The following CRB1 variants were observed in gnomAD, a reference collection of about 807,000 sequenced individuals.
CRB1 encodes the protein crumbs cell polarity complex component 1, also known as protein crumbs homolog 1.
A neutral mutation model predicts 120.0 loss-of-function variants in CRB1; 83 were observed. The ratio of observed to expected loss-of-function variants is 0.69; its 90% CI spans 0.58 to 0.83. CRB1 has a LOEUF of 0.83. Among genes scored for constraint, CRB1 ranks in the 40% least tolerant of loss-of-function variants. The pLI is 0.00. For synonymous variants in CRB1, 625 were observed against 612.5 expected (o/e 1.02, Z -0.30); for missense variants, 1,699 against 1,687.6 (o/e 1.01, Z -0.12).
intron 1 of CRB1, among the ~76,000 whole-genome samples, chr1:197,311,875 G>A (rs1657549916): frequency 6.6e-6 from 1 of 152,004 alleles, no homozygotes. Flanking sequence ...ATTTGTAGGA[G>A]CTCTTTATCT....
At position 197,442,296 on chromosome 1, in the gene CRB1, A is replaced by G. The variant is rs777152255; in HGVS notation, c.4005+4A>G. 6.2e-7 allele frequency: 1 copy of G among 1,614,124 alleles called. No individual in the cohort carries two copies. Among genetic ancestry groups the G allele is most frequent in the Non-Finnish European group, 8.5e-7 (1 of 1,180,018 alleles). ...TGGCGAGCGCTGCGAGGTGGACGTA[A>G]GCAGCCTCTCCTTTTATGTCTCTCT... On this transcript the variant is annotated splice_donor_region_variant and intron_variant, in intron 11 of 11. Transcript: ENST00000367400.
intron 8 of CRB1, among the ~76,000 whole-genome samples, chr1:197,431,898 T>C (rs1664886643): frequency 6.6e-6 from 1 of 152,190 alleles, no homozygotes; most frequent in Non-Finnish European, 1.5e-5. Flanking sequence ...ACTCTCATAA[T>C]TTTAATTTTA....
intron 1 of CRB1, among the ~76,000 whole-genome samples, chr1:197,324,302 A>T (rs1262794325): frequency 1.3e-5 from 2 of 152,134 alleles, no homozygotes; most frequent in East Asian, 3.9e-4. Flanking sequence ...ATTTTCTTGA[A>T]CTTATTCATT....
chr1:197,361,275 G>A (rs1660755799), intron 5 of CRB1, among the ~76,000 whole-genome samples: 1 of 150,996 alleles, frequency 6.6e-6, no homozygotes, highest in Non-Finnish European at 1.5e-5. Context: ...GTTGGAAAAT[G>A]TTTCTTAATT....
At chr1:197,468,094 A>C (rs554099306) in intron 11 of CRB1, among the ~76,000 whole-genome samples, 3 of 152,282 alleles carry the variant, frequency 2.0e-5, no homozygotes, top group African/African-American at 7.2e-5. Flanking sequence ...CCAGAACCAC[A>C]GGCATGCTTT....
At chr1:197,383,031 A>G (rs1662036874) in intron 5 of CRB1, among the ~76,000 whole-genome samples, 1 of 152,058 alleles carries the variant, frequency 6.6e-6, no homozygotes, top group Non-Finnish European at 1.5e-5. Context: ...CATAGGTTAA[A>G]ATTATTTGTC....
Position 197,478,007 on chromosome 1 carries a change from C to A in CRB1, c.*128C>A. On this transcript the variant is annotated 3_prime_UTR_variant, in exon 12 of 12. Transcript: ENST00000367400. ...TTACACTGGAACTACAGGAATGATTCCTTTGACCACCTTAAAAACTTTCAC... is the reference window on the plus strand; with the variant it reads ...TTACACTGGAACTACAGGAATGATTACTTTGACCACCTTAAAAACTTTCAC... 2.1e-6 allele frequency: 2 copies of A among 950,564 alleles called. No individual in the cohort carries two copies. Among genetic ancestry groups the A allele is most frequent in the Non-Finnish European group, 3.3e-6 (2 of 597,560 alleles). The allele number at this position is 950,564 out of a possible 1,614,324, so 58.9% of individuals were successfully genotyped here.
At chr1:197,433,354 AGT>A (rs1244946493) in intron 8 of CRB1, among the ~76,000 whole-genome samples, 2 of 152,172 alleles carry the variant, frequency 1.3e-5, no homozygotes, top group Non-Finnish European at 2.9e-5. Flanking sequence ...GGTTGGGTGT[AGT>A]GCCTGATAAT....
chr1:197,400,664 T>C, intron 5 of CRB1, among the ~76,000 whole-genome samples: 1 of 152,150 alleles, frequency 6.6e-6, no homozygotes, highest in East Asian at 1.9e-4. Context: ...CTCACTTTGA[T>C]GTACAAGGTT....
intron 6 of CRB1, 101 bp from the exon 7 acceptor site, chr1:197,427,353 G>A: frequency 2.3e-6 from 2 of 872,482 alleles, no homozygotes; most frequent in Non-Finnish European, 3.8e-6. Flanking sequence ...GTGTGCATGT[G>A]TGTGTGTGAA....
intron 7 of CRB1, among the ~76,000 whole-genome samples, chr1:197,428,241 A>T (rs1053730818): frequency 2.0e-5 from 3 of 152,338 alleles, no homozygotes; most frequent in African/African-American, 7.2e-5. Context: ...AACTTCGGCT[A>T]TAGGCTTCTC....
Position 197,435,334 on chromosome 1 carries a change from CT to C in CRB1, c.3472del (p.Tyr1158IlefsTer52). On this transcript the variant is annotated frameshift_variant, in exon 9 of 12. Coordinates refer to ENST00000367400, the MANE Select transcript of CRB1 (RefSeq NM_201253.3). LOFTEE classifies it high-confidence loss of function. ...TGCATGGAGGAAACTGTGAAGACAT[CT>C]ATAGCTCTTATCATTGCTCCTGTCC... ...CLHGGNCEDI[Y>X]SSYHCSCPLG... The C allele has an allele frequency of 6.2e-7, 1 of 1,613,754 alleles. No homozygotes were observed. The highest frequency in any genetic ancestry group is 1.3e-5 in the African/African-American group (1 of 75,008).
At chr1:197,222,239 G>A in the CRB1 span, 1 of 509,210 alleles carries the variant, frequency 2.0e-6, no homozygotes, top group Non-Finnish European at 3.8e-6. Context: ...TGTTTGCCGT[G>A]CTCCTGTCGT....
intron 9 of CRB1, 74 bp from the exon 10 acceptor site, chr1:197,438,473 G>A: frequency 6.3e-7 from 1 of 1,581,566 alleles, no homozygotes; most frequent in Non-Finnish European, 8.7e-7. Flanking sequence ...CTACATACAT[G>A]AATTTATCAG....
chr1:197,463,850 T>C (rs753873940), intron 11 of CRB1, among the ~76,000 whole-genome samples: 1 of 152,160 alleles, frequency 6.6e-6, no homozygotes, highest in Non-Finnish European at 1.5e-5. Flanking sequence ...ACAGGAAAGA[T>C]TAACTACCTG....
intron 1 of CRB1, among the ~76,000 whole-genome samples, chr1:197,310,433 G>T (rs186389791): frequency 2.6e-5 from 4 of 152,308 alleles, no homozygotes; most frequent in Admixed American, 2.6e-4. Context: ...TCAGGAAGTT[G>T]TCAGATCCCT....
At chr1:197,254,463 C>A in the CRB1 span, among the ~76,000 whole-genome samples, 1 of 151,958 alleles carries the variant, frequency 6.6e-6, no homozygotes, top group African/African-American at 2.4e-5. Context: ...GTAGTGTCAC[C>A]GTGATTTATG....
intron 1 of CRB1, among the ~76,000 whole-genome samples, chr1:197,299,178 A>G (rs1198033143): frequency 6.6e-6 from 1 of 152,164 alleles, no homozygotes; most frequent in Non-Finnish European, 1.5e-5. Context: ...ACCAATTAAT[A>G]AAATGGAAAT....
In CRB1 at chr1:197,328,504, C is replaced by T; in HGVS notation, c.153C>T (p.Asp51=). ...CTACATGCAAAGATTTTTCAAAAGA[C>T]AATGATTGTTCTTGTTCAGACACAG... The part of the protein sequence containing the change: ...NNSTCKDFSK[D]NDCSCSDTAN... The change falls in exon 2 of 12, where the codon GAC becomes GAT. Residue 51 remains aspartate (D), a synonymous_variant. Coordinates refer to ENST00000367400, the MANE Select transcript of CRB1 (RefSeq NM_201253.3). 1 of 1,614,162 alleles carries T rather than the reference C, an allele frequency of 6.2e-7. No homozygotes were observed. Among genetic ancestry groups the T allele is most frequent in the Admixed American group, 1.7e-5 (1 of 60,024 alleles).
Sources: gnomAD v4.1 joint callset for allele counts (sites outside exome capture counted in the v4.1 genomes callset) on GRCh38, gnomAD v4.1.1 for gene constraint, MANE v1.5 for transcripts, NCBI Gene and HGNC (gene_info 2026-07-23, HGNC 2026-07-21) for gene names.